ANKRD62: variants seen among roughly 807,000 people sequenced by gnomAD.
The protein encoded by ANKRD62 is ankyrin repeat domain-containing protein 62.
A neutral mutation model predicts 98.8 loss-of-function variants in ANKRD62; 61 were observed. The observed-to-expected ratio is 0.62, with a 90% CI of 0.50 to 0.76. The LOEUF (loss-of-function observed/expected upper bound fraction) is 0.76, where lower values mean the gene tolerates loss of function less well. ANKRD62 is among the 30% of genes least tolerant of loss of function. ANKRD62 has a pLI of 0.00. For missense variants in ANKRD62, 933 were observed against 1,082.9 expected (o/e 0.86, Z 1.94); for synonymous variants, 341 against 367.9 (o/e 0.93, Z 0.84).
chr18:12,134,451 C>T (rs367573765), downstream of ANKRD62, among the ~76,000 whole-genome samples: 40 of 151,260 alleles, frequency 2.6e-4, no homozygotes, highest in Admixed American at 3.3e-4. Context: ...TGTATACATG[C>T]GCCATGTTGG....
chr18:12,139,986 A>G, the ANKRD62 span, among the ~76,000 whole-genome samples: 15 of 152,310 alleles, frequency 9.8e-5, no homozygotes, highest in East Asian at 1.5e-3. Context: ...AGGTACACCA[A>G]TGATATGTAG....
chr18:12,106,302 A>C (rs1598732269), intron 7 of ANKRD62, among the ~76,000 whole-genome samples: 3 of 152,300 alleles, frequency 2.0e-5, no homozygotes, highest in Admixed American at 2.0e-4. Flanking sequence ...CCCAAAATTT[A>C]GTATTTGACT....
At chr18:12,162,818 T>C in the ANKRD62 span, among the ~76,000 whole-genome samples, 1 of 152,092 alleles carries the variant, frequency 6.6e-6, no homozygotes, top group East Asian at 1.9e-4. Context: ...TGAAAATAAG[T>C]TTACTGTAGG....
chr18:12,145,555 G>A, the ANKRD62 span, among the ~76,000 whole-genome samples: 8 of 152,010 alleles, frequency 5.3e-5, no homozygotes, highest in South Asian at 2.1e-4. Context: ...GTGAAATGAG[G>A]CCAGACTGCT....
At position 12,100,887 on chromosome 18, in the gene ANKRD62, G is replaced by A. The variant is rs148584890; in HGVS notation, c.820+1205G>A. Among the ~76,000 whole-genome samples the A allele has an allele frequency of 7.0e-3, 1,059 of 152,144 alleles. 6 individuals are homozygous for A. The highest frequency in any genetic ancestry group is 0.011 in the Non-Finnish European group (774 of 67,992). On this transcript the variant is annotated intron_variant, in intron 6 of 13. Transcript: ENST00000587848. Reference sequence around the variant, plus strand: ...CTAAAATATTATTATAATAATATTCGAATAGCCCAACTCTAGGCTCAGCAC... The same window carrying A: ...CTAAAATATTATTATAATAATATTCAAATAGCCCAACTCTAGGCTCAGCAC...
In ANKRD62 at chr18:12,125,921, G is replaced by A; in HGVS notation, c.2100G>A (p.Gln700=). ...AAGAAGACACTAATTCTCACATTCA[G>A]ATTCTTTCTCAGCAACTTTCTAAAG... The part of the protein sequence containing the change: ...HLQEDTNSHI[Q]ILSQQLSKAE... The change falls in exon 13 of 14, where the codon CAG becomes CAA. Residue 700 remains glutamine (Q), a synonymous_variant. Coordinates refer to ENST00000587848, the MANE Select transcript of ANKRD62 (RefSeq NM_001277333.2). 1 of 1,539,516 alleles carries A rather than the reference G, an allele frequency of 6.5e-7. No homozygotes were observed. Among genetic ancestry groups the A allele is most frequent in the Non-Finnish European group, 8.7e-7 (1 of 1,146,952 alleles).
At chr18:12,114,757 G>A (rs1909623597) in intron 8 of ANKRD62, among the ~76,000 whole-genome samples, 1 of 151,976 alleles carries the variant, frequency 6.6e-6, no homozygotes, top group East Asian at 1.9e-4. Flanking sequence ...GTATTGAAAA[G>A]GGCAAAACCC....
the ANKRD62 span, among the ~76,000 whole-genome samples, chr18:12,141,311 T>C: frequency 0.61 from 93,360 of 152,082 alleles, 29,110 homozygotes; most frequent in Middle Eastern, 0.76. Context: ...CCGGGTGAGG[T>C]GATGCCTCGC....
chr18:12,132,906 G>A (rs142044375), downstream of ANKRD62, among the ~76,000 whole-genome samples: 1,767 of 152,146 alleles, frequency 0.012, 24 homozygotes, highest in African/African-American at 0.04. Flanking sequence ...CTTTTTGAAA[G>A]TTCTGGTGAA....
At chr18:12,153,596 A>T in the ANKRD62 span, among the ~76,000 whole-genome samples, 9 of 131,666 alleles carry the variant, frequency 6.8e-5, no homozygotes, top group Middle Eastern at 4.0e-3. Flanking sequence ...TGCCTGGGAA[A>T]AAAAAAAAAA....
chr18:12,105,083 A>G (rs1909384555), intron 7 of ANKRD62, among the ~76,000 whole-genome samples: 1 of 152,206 alleles, frequency 6.6e-6, no homozygotes, highest in African/African-American at 2.4e-5. Context: ...TGCAAATTGG[A>G]CATCAGAAAT....
chr18:12,116,677 A>G (rs1203292207), intron 10 of ANKRD62, among the ~76,000 whole-genome samples: 3 of 152,232 alleles, frequency 2.0e-5, no homozygotes, highest in Non-Finnish European at 2.9e-5. Context: ...TGATTTTTCT[A>G]TTCTTTGTTG....
At chr18:12,160,919 G>A in the ANKRD62 span, among the ~76,000 whole-genome samples, 1 of 152,106 alleles carries the variant, frequency 6.6e-6, no homozygotes, top group Non-Finnish European at 1.5e-5. Context: ...TAGACCCGAA[G>A]ATCCTGGAAG....
rs369431128 is a variant in ANKRD62, at chr18:12,122,903, T to C, written c.1454+387T>C. On this transcript the variant is annotated intron_variant, in intron 11 of 13. Transcript: ENST00000587848. ...AAAATAGAGCTATCTGGTTAGAGTATAGGAGCTTTTTAAAAGAGATCGTTG... is the reference window on the plus strand; with the variant it reads ...AAAATAGAGCTATCTGGTTAGAGTACAGGAGCTTTTTAAAAGAGATCGTTG... 2.6e-5 allele frequency among the ~76,000 whole-genome samples: 4 copies of C among 152,202 alleles called. No individual in the cohort carries two copies. In the South Asian group the frequency reaches 6.2e-4, roughly 24 times the overall value.
chr18:12,099,143 T>C (rs1457944427), intron 5 of ANKRD62, among the ~76,000 whole-genome samples: 1 of 152,184 alleles, frequency 6.6e-6, no homozygotes, highest in African/African-American at 2.4e-5. Flanking sequence ...TATGTGAAAA[T>C]ACACATTGGG....
chr18:12,107,261 GAC>G (rs1250719431), intron 7 of ANKRD62, 32 bp from the exon 8 acceptor site: 2 of 1,388,026 alleles, frequency 1.4e-6, no homozygotes, highest in Non-Finnish European at 9.4e-7. Context: ...ATAAAATAAT[GAC>G]AATTATTCTC....
Position 12,095,274 on chromosome 18 carries a change from G to T in ANKRD62, c.322G>T (p.Ala108Ser). ...LNLTDSENRT[A>S]LIKAVQCQEE... ...CCTCACTGACAGTGAAAACAGGACA[G>T]CTCTGATCAAGGTATATGGTAGCCA... Residue 108 changes from alanine (A) to serine (S), a missense_variant, in exon 2 of 14, where the codon GCT becomes TCT. Coordinates refer to ENST00000587848, the MANE Select transcript of ANKRD62 (RefSeq NM_001277333.2). 6.5e-7 allele frequency: 1 copy of T among 1,540,140 alleles called. No individual in the cohort carries two copies. The highest frequency in any genetic ancestry group is 8.7e-7 in the Non-Finnish European group (1 of 1,146,778).
the ANKRD62 span, among the ~76,000 whole-genome samples, chr18:12,170,139 C>A: frequency 1.3e-5 from 2 of 152,292 alleles, no homozygotes; most frequent in African/African-American, 2.4e-5. Flanking sequence ...TTCAGCTCTG[C>A]TCTGATCTTA....
At chr18:12,172,513 A>T in the ANKRD62 span, among the ~76,000 whole-genome samples, 6 of 152,032 alleles carry the variant, frequency 3.9e-5, no homozygotes, top group Non-Finnish European at 8.8e-5. Context: ...CCACCCTGCC[A>T]TATGAGGTGT....
Sources: allele counts gnomAD v4.1 joint callset (sites outside exome capture counted in the v4.1 genomes callset), GRCh38; gene constraint gnomAD v4.1.1; transcripts MANE v1.5; gene names NCBI Gene and HGNC (gene_info 2026-07-23, HGNC 2026-07-21).